The following MAST4 variants were observed in gnomAD, a reference collection of about 807,000 sequenced individuals.
MAST4 encodes the protein microtubule associated serine/threonine kinase family member 4, also known as microtubule-associated serine/threonine-protein kinase 4.
MAST4 carries 89 observed loss-of-function variants against 162.7 expected under a neutral mutation model. That is an observed-to-expected ratio of 0.55 (90% confidence interval 0.46 to 0.65). The LOEUF is 0.65. MAST4 is among the 30% of genes least tolerant of loss of function. The probability of loss-of-function intolerance (pLI) is 0.00; values close to 1 mark genes in which losing one functional copy is unlikely to be tolerated. For synonymous variants in MAST4, 1,479 were observed against 1,361.1 expected (o/e 1.09, Z -1.91); for missense variants, 3,153 against 3,374.0 (o/e 0.93, Z 1.62).
At chr5:66,967,584 C>A (rs1746895150) in intron 4 of MAST4, among the ~76,000 whole-genome samples, 1 of 151,642 alleles carries the variant, frequency 6.6e-6, no homozygotes, top group South Asian at 2.1e-4. Context: ...GGCCAGGCAC[C>A]CAGTGAGCTG....
intron 3 of MAST4, among the ~76,000 whole-genome samples, chr5:66,889,359 A>C (rs900782273): frequency 3.9e-5 from 6 of 152,342 alleles, no homozygotes; most frequent in African/African-American, 1.4e-4. Flanking sequence ...CTAGGAAAAA[A>C]AGGAAATCAC....
intron 3 of MAST4, among the ~76,000 whole-genome samples, chr5:66,884,814 C>T (rs1427808906): frequency 1.3e-5 from 2 of 152,204 alleles, no homozygotes; most frequent in Non-Finnish European, 2.9e-5. Context: ...CCATGTGTTC[C>T]TTGGCCGCCG....
chr5:66,665,965 T>C (rs574297009), intron 1 of MAST4, among the ~76,000 whole-genome samples: 3 of 152,336 alleles, frequency 2.0e-5, no homozygotes, highest in African/African-American at 4.8e-5. Flanking sequence ...AGTTCTTACA[T>C]TGAATGTACG....
chr5:66,883,871 G>A (rs1336364294), intron 3 of MAST4, among the ~76,000 whole-genome samples: 2 of 152,148 alleles, frequency 1.3e-5, no homozygotes, highest in African/African-American at 4.8e-5. Flanking sequence ...TAGTACACAA[G>A]GGATTTGTTT....
At chr5:67,017,605 C>CTTTTTTTTTTTT (rs34059850) in intron 4 of MAST4, among the ~76,000 whole-genome samples, 3 of 135,026 alleles carry the variant, frequency 2.2e-5, no homozygotes, top group African/African-American at 2.7e-5. Context: ...TTTTTCTTTT[C>CTTTTTTTTTTTT]TTTTTTTTTT....
chr5:67,118,074 T>C (rs1389333009), intron 12 of MAST4, among the ~76,000 whole-genome samples: 2 of 152,234 alleles, frequency 1.3e-5, no homozygotes, highest in Non-Finnish European at 2.9e-5. Context: ...TAAGGTTGTT[T>C]ACCTTTTACA....
At chr5:66,809,364 C>T (rs1756362882) in intron 3 of MAST4, among the ~76,000 whole-genome samples, 1 of 152,202 alleles carries the variant, frequency 6.6e-6, no homozygotes, top group South Asian at 2.1e-4. Context: ...ATTACAAATT[C>T]AGAACTGTAT....
chr5:66,878,898 A>G (rs1761485800), intron 3 of MAST4, among the ~76,000 whole-genome samples: 1 of 152,238 alleles, frequency 6.6e-6, no homozygotes, highest in Non-Finnish European at 1.5e-5. Flanking sequence ...AAAAATGGGC[A>G]AAGGAAACAA....
At position 67,164,879 on chromosome 5, in the gene MAST4, G is replaced by C; in HGVS notation, c.5700G>C (p.Arg1900Ser). The C allele has an allele frequency of 6.2e-7, 1 of 1,614,020 alleles. No individual in the cohort carries two copies. Among genetic ancestry groups the C allele is most frequent in the East Asian group, 2.2e-5 (1 of 44,884 alleles). The stretch of plus-strand genomic sequence containing the variant: ...CTGACCCAGAGTTCAAGAGGGACAG[G>C]AAAGGTCCCCATCCTACTGCCAGGA... ...SLPDPEFKRD[R>S]KGPHPTARSP... The change falls in exon 29 of 29, where the codon AGG (arginine) becomes AGC (serine). Residue 1900 changes from arginine (R) to serine (S), a missense_variant. This residue lies in a region of MAST4 where 1,644 missense variants were observed against 1,495.0 expected (regional missense o/e 1.10). Transcript: ENST00000403625. The surrounding 1 kb of genome is among the most constrained non-coding windows in gnomAD (Gnocchi z 5.3).
At chr5:66,659,179 C>T (rs1580125848) in intron 1 of MAST4, among the ~76,000 whole-genome samples, 1 of 152,132 alleles carries the variant, frequency 6.6e-6, no homozygotes, top group East Asian at 1.9e-4. Flanking sequence ...ACCCTTCCTT[C>T]AAGCCAGGAA....
chr5:66,617,718 T>C (rs994430370), intron 1 of MAST4, among the ~76,000 whole-genome samples: 2 of 152,166 alleles, frequency 1.3e-5, no homozygotes, highest in African/African-American at 4.8e-5. Flanking sequence ...TCCACATGCA[T>C]GCTCACCCTC....
intron 3 of MAST4, among the ~76,000 whole-genome samples, chr5:66,791,939 A>G (rs1310471723): frequency 6.6e-6 from 1 of 152,166 alleles, no homozygotes; most frequent in Non-Finnish European, 1.5e-5. Flanking sequence ...TTTGGATGCC[A>G]TATCACTTAT....
At chr5:66,870,576 A>T (rs1206240312) in intron 3 of MAST4, among the ~76,000 whole-genome samples, 1 of 150,394 alleles carries the variant, frequency 6.6e-6, no homozygotes, top group Non-Finnish European at 1.5e-5. Context: ...AAGTTTGTTT[A>T]TAATAAAATA....
intron 4 of MAST4, among the ~76,000 whole-genome samples, chr5:67,041,809 A>G (rs27208): frequency 0.14 from 21,797 of 152,212 alleles, 1,635 homozygotes; most frequent in Middle Eastern, 0.22. Context: ...TTGTATTTTT[A>G]ATATAGACAA....
chr5:66,858,104 A>C (rs1759819816), intron 3 of MAST4, among the ~76,000 whole-genome samples: 1 of 151,946 alleles, frequency 6.6e-6, no homozygotes, highest in African/African-American at 2.4e-5. Flanking sequence ...CTGCAGGTGC[A>C]TGCCACCACG....
chr5:66,714,811 G>A (rs1750717103), intron 1 of MAST4, among the ~76,000 whole-genome samples: 2 of 152,224 alleles, frequency 1.3e-5, no homozygotes, highest in African/African-American at 4.8e-5. Context: ...AGTCTGGTCT[G>A]TCTGTGGTAC....
chr5:67,062,070 G>T (rs1488344131), intron 5 of MAST4, among the ~76,000 whole-genome samples: 4 of 152,298 alleles, frequency 2.6e-5, no homozygotes, highest in African/African-American at 9.6e-5. Flanking sequence ...CATTAGAGAT[G>T]AATGATCTTT....
intron 1 of MAST4, among the ~76,000 whole-genome samples, chr5:66,613,030 TTC>T (rs1743395542): frequency 6.6e-6 from 1 of 152,196 alleles, no homozygotes; most frequent in Admixed American, 6.5e-5. Context: ...AGAGTACTGT[TTC>T]TTTAAAAAGA....
intron 3 of MAST4, among the ~76,000 whole-genome samples, chr5:66,837,713 A>G (rs1309952739): frequency 1.3e-5 from 2 of 151,436 alleles, no homozygotes; most frequent in Non-Finnish European, 2.9e-5. Context: ...CAGAGTTGAA[A>G]CCCACTGCTC....
Sources: allele counts gnomAD v4.1 joint callset (sites outside exome capture counted in the v4.1 genomes callset), GRCh38; gene constraint gnomAD v4.1.1; regional missense constraint gnomAD v4.1.1; non-coding constraint Gnocchi (gnomAD v3.1); transcripts MANE v1.5; gene names NCBI Gene and HGNC (gene_info 2026-07-23, HGNC 2026-07-21).